The following SNTG2 variants were observed in gnomAD, a reference collection of about 807,000 sequenced individuals.
The protein encoded by SNTG2 is syntrophin gamma 2, also known as gamma-2-syntrophin.
A neutral mutation model predicts 70.9 loss-of-function variants in SNTG2; 74 were observed. The observed-to-expected ratio is 1.04, with a 90% CI of 0.86 to 1.27. SNTG2 has a LOEUF of 1.27. SNTG2 is among the 50% of genes most tolerant of loss of function. SNTG2 has a pLI of 0.00. For synonymous variants in SNTG2, 278 were observed against 273.8 expected (o/e 1.02, Z -0.15); for missense variants, 717 against 690.7 (o/e 1.04, Z -0.43).
chr2:1,127,250 TA>T (rs561849294), intron 4 of SNTG2, among the ~76,000 whole-genome samples: 4,774 of 148,466 alleles, frequency 0.032, 255 homozygotes, highest in African/African-American at 0.11. Context: ...GGTGCCTTTG[TA>T]AAAAAAAAAA....
chr2:969,022 A>C (rs1422689158), intron 1 of SNTG2, among the ~76,000 whole-genome samples: 3 of 152,094 alleles, frequency 2.0e-5, no homozygotes, highest in African/African-American at 7.2e-5. Context: ...TCTTTAATGC[A>C]TTTCGAGTTG....
At chr2:1,192,896 C>T (rs1672687230) in intron 8 of SNTG2, among the ~76,000 whole-genome samples, 1 of 152,160 alleles carries the variant, frequency 6.6e-6, no homozygotes, top group South Asian at 2.1e-4. Context: ...CACAATTTGT[C>T]CTGTTAATCA....
chr2:1,269,513 C>T (rs893124264), intron 14 of SNTG2, among the ~76,000 whole-genome samples: 6 of 151,752 alleles, frequency 4.0e-5, no homozygotes, highest in African/African-American at 1.5e-4. Context: ...AGAGTGAGAC[C>T]CTGTCTCAAA....
chr2:1,113,457 C>G (rs1424423311), intron 4 of SNTG2, among the ~76,000 whole-genome samples: 2 of 152,282 alleles, frequency 1.3e-5, no homozygotes, highest in Admixed American at 6.5e-5. Context: ...TTAACCCATA[C>G]AGTCCTTTGA....
chr2:1,168,432 G>A (rs562408946), intron 7 of SNTG2, among the ~76,000 whole-genome samples: 2 of 152,310 alleles, frequency 1.3e-5, no homozygotes, highest in Admixed American at 1.3e-4. Context: ...CCCCAAAGCC[G>A]GCCCATCTCT....
At chr2:1,003,918 T>G (rs62106795) in intron 1 of SNTG2, among the ~76,000 whole-genome samples, 10,055 of 152,324 alleles carry the variant, frequency 0.066, 565 homozygotes, top group South Asian at 0.21. Context: ...CTTCTCCCCT[T>G]TATTCCTTAA....
intron 6 of SNTG2, among the ~76,000 whole-genome samples, chr2:1,154,657 G>A (rs1010128187): frequency 2.0e-5 from 3 of 152,086 alleles, no homozygotes; most frequent in East Asian, 1.9e-4. Flanking sequence ...AAATACCACC[G>A]CATGTCTAAT....
At chr2:1,184,477 A>G (rs916998472) in intron 8 of SNTG2, among the ~76,000 whole-genome samples, 2 of 152,244 alleles carry the variant, frequency 1.3e-5, no homozygotes, top group African/African-American at 4.8e-5. Flanking sequence ...AGAAACTGGG[A>G]AATTCATAAA....
At chr2:1,093,402 A>G (rs114790190) in intron 2 of SNTG2, among the ~76,000 whole-genome samples, 2,020 of 152,324 alleles carry the variant, frequency 0.013, 54 homozygotes, top group African/African-American at 0.046. Context: ...ATTAGGATGC[A>G]GGAGGCAGGA....
intron 8 of SNTG2, among the ~76,000 whole-genome samples, chr2:1,176,237 TA>T (rs1416620881): frequency 1.3e-5 from 2 of 152,176 alleles, no homozygotes; most frequent in Non-Finnish European, 2.9e-5. Context: ...TTGCAGAGTT[TA>T]AAAATAGCTT....
chr2:1,093,187 C>T (rs186809302), intron 2 of SNTG2, among the ~76,000 whole-genome samples: 101 of 152,256 alleles, frequency 6.6e-4, no homozygotes, highest in South Asian at 2.1e-3. Context: ...GGGCAGCTCA[C>T]GATCCGCACC....
At chr2:1,087,943 C>T (rs1217510143) in intron 2 of SNTG2, among the ~76,000 whole-genome samples, 1 of 152,198 alleles carries the variant, frequency 6.6e-6, no homozygotes, top group African/African-American at 2.4e-5. Context: ...CAAAATTCTA[C>T]ACTTGCTTGT....
intron 14 of SNTG2, among the ~76,000 whole-genome samples, chr2:1,277,879 G>A (rs917537181): frequency 3.3e-5 from 5 of 152,264 alleles, no homozygotes; most frequent in East Asian, 1.9e-4. Flanking sequence ...AGATCCCACC[G>A]GAAGTGTCCG....
In SNTG2 at chr2:1,097,075, C is replaced by T. The variant is rs912720836; in HGVS notation, c.211-1121C>T. Among the ~76,000 whole-genome samples the T allele has an allele frequency of 6.6e-6, 1 of 152,112 alleles. No homozygotes were observed. Among genetic ancestry groups the T allele is most frequent in the Non-Finnish European group, 1.5e-5 (1 of 68,012 alleles). ...AAAAGGATCGAAATGGTAAAATTTC[C>T]AATTAAAGTATTATTTGCTGTGTCC... On this transcript the variant is annotated intron_variant, in intron 2 of 16. Transcript: ENST00000308624. This position sits in a 1 kb window ranked among gnomAD's most constrained non-coding sequence, Gnocchi z 4.1.
At chr2:994,481 GTTC>G (rs1224414514) in intron 1 of SNTG2, among the ~76,000 whole-genome samples, 4 of 151,964 alleles carry the variant, frequency 2.6e-5, no homozygotes, top group African/African-American at 9.7e-5. Flanking sequence ...CTCCAACTTT[GTTC>G]TTCTTTGTTA....
At chr2:1,337,560 A>G (rs1462002861) in intron 16 of SNTG2, among the ~76,000 whole-genome samples, 1 of 152,104 alleles carries the variant, frequency 6.6e-6, no homozygotes, top group African/African-American at 2.4e-5. Context: ...TTGCTGATTT[A>G]TAAGAGTTCT....
Position 972,588 on chromosome 2 carries a change from T to G in SNTG2, c.72+21520T>G, listed in dbSNP as rs143671834. ...GTCCCCACCCAAATCTCATGTCGGATCATCATCATAATATTGGAGGTGGAG... is the reference window on the plus strand; with the variant it reads ...GTCCCCACCCAAATCTCATGTCGGAGCATCATCATAATATTGGAGGTGGAG... On this transcript the variant is annotated intron_variant, in intron 1 of 16. Transcript: ENST00000308624. 2.7e-3 allele frequency among the ~76,000 whole-genome samples: 410 copies of G among 152,264 alleles called. 8 individuals carry two copies. The highest frequency in any genetic ancestry group is 0.024 in the Admixed American group (364 of 15,304).
chr2:1,138,210 C>G (rs963658738), intron 6 of SNTG2, among the ~76,000 whole-genome samples: 11 of 152,222 alleles, frequency 7.2e-5, no homozygotes, highest in Non-Finnish European at 1.5e-4. Context: ...AGGGCCTTCA[C>G]GCCTTTGCTC....
In SNTG2 at chr2:1,221,809, C is replaced by CTCTG. The variant is rs1558551026; in HGVS notation, c.719+12582_719+12583insGTCT. Among the ~76,000 whole-genome samples the CTCTG allele has an allele frequency of 4.7e-4, 3 of 6,364 alleles. 1 individual carries two copies. Among genetic ancestry groups the CTCTG allele is most frequent in the Non-Finnish European group, 8.2e-4 (3 of 3,674 alleles). 4.2% of individuals were successfully genotyped at this position (6,364 alleles called of 152,430 possible). On this transcript the variant is annotated intron_variant, in intron 9 of 16. Transcript: ENST00000308624. Reference sequence around the variant, plus strand: ...TCTGTCTCTGTCTGTCTCTGTCTCTCTCTCGGTCTCTGTCTCTCTCTGTCT... The same window carrying CTCTG: ...TCTGTCTCTGTCTGTCTCTGTCTCTCTCTGTCTCGGTCTCTGTCTCTCTCTGTCT...
Sources: gnomAD v4.1 joint callset for allele counts (sites outside exome capture counted in the v4.1 genomes callset) on GRCh38, gnomAD v4.1.1 for gene constraint, Gnocchi (gnomAD v3.1) non-coding constraint, MANE v1.5 for transcripts, NCBI Gene and HGNC (gene_info 2026-07-23, HGNC 2026-07-21) for gene names.